The following CHUK variants were observed in gnomAD, a reference collection of about 807,000 sequenced individuals.
The protein encoded by CHUK is component of inhibitor of nuclear factor kappa B kinase complex, also known as inhibitor of nuclear factor kappa-B kinase subunit alpha.
In CHUK, 35 loss-of-function variants were observed where a neutral mutation model predicts 104.8. That is an observed-to-expected ratio of 0.33 (90% CI 0.26 to 0.44). The LOEUF (loss-of-function observed/expected upper bound fraction) is 0.44. Among genes scored for constraint, CHUK ranks in the 20% least tolerant of loss-of-function variants. The probability of loss-of-function intolerance (pLI) is 1.00; values close to 1 mark genes in which losing one functional copy is unlikely to be tolerated. For missense variants in CHUK, 663 were observed against 902.7 expected (o/e 0.73, Z 3.40); for synonymous variants, 276 against 291.9 (o/e 0.95, Z 0.56).
rs779646874 is a variant in CHUK, at chr10:100,193,379, G to T, written c.2027C>A (p.Thr676Asn). The change falls in exon 19 of 21, where the codon ACC becomes AAC. Residue 676 changes from threonine to asparagine, a missense_variant. Thr to Asn is a moderately conservative substitution (Grantham distance 65). Coordinates refer to ENST00000370397, the MANE Select transcript of CHUK (RefSeq NM_001278.5). Reference protein sequence around the residue: ...LVGSSLEGAVTPQTSAWLPPT... With the variant: ...LVGSSLEGAVNPQTSAWLPPT... ...GGGCAGCCATGCTGATGTCTGAGGG[G>T]TTACTGCACCTTCTAGACTGGATCC... 4.3e-6 allele frequency: 7 copies of T among 1,614,126 alleles called. No homozygotes were observed. The highest frequency in any genetic ancestry group is 5.9e-6 in the Non-Finnish European group (7 of 1,179,992).
At chr10:100,197,381 CCT>C (rs1456040155) in intron 16 of CHUK, among the ~76,000 whole-genome samples, 1 of 152,142 alleles carries the variant, frequency 6.6e-6, no homozygotes, top group Admixed American at 6.5e-5. Context: ...TACTCACCCA[CCT>C]CTCTTCTTTC....
intron 9 of CHUK, 114 bp from the exon 10 acceptor site, chr10:100,209,903 G>GA (rs1845684628): frequency 1.7e-6 from 1 of 598,682 alleles, no homozygotes; most frequent in East Asian, 2.8e-5. Context: ...CATTAAACAA[G>GA]GCTCACTCAT....
At chr10:100,194,716 T>C (rs1041394075) in intron 16 of CHUK, 195 bp from the exon 17 acceptor site, 1 of 446,962 alleles carries the variant, frequency 2.2e-6, no homozygotes, top group Admixed American at 3.5e-5. Flanking sequence ...ATATAAAAAA[T>C]AAAGTTTGCA....
chr10:100,199,100 T>A (rs951800093), intron 16 of CHUK, among the ~76,000 whole-genome samples: 6 of 152,160 alleles, frequency 3.9e-5, no homozygotes, highest in Non-Finnish European at 7.4e-5. Context: ...CAATCTAGAA[T>A]TCAAGCCTCT....
chr10:100,201,835 A>C (rs1192399008), intron 14 of CHUK, among the ~76,000 whole-genome samples: 1 of 152,226 alleles, frequency 6.6e-6, no homozygotes, highest in Non-Finnish European at 1.5e-5. Flanking sequence ...CCTGGGCAAC[A>C]GAGTGAGACC....
At chr10:100,195,525 G>C (rs887950044) in intron 16 of CHUK, 15 of 152,242 alleles carry the variant, frequency 9.9e-5, no homozygotes, top group Admixed American at 7.2e-4. Context: ...CTCCAAAAAG[G>C]TTCTTCTCCA....
At chr10:100,193,129 G>A in intron 19 of CHUK, 169 bp downstream of exon 19, 1 of 712,490 alleles carries the variant, frequency 1.4e-6, no homozygotes, top group Non-Finnish European at 2.4e-6. Flanking sequence ...TACAGGTGAG[G>A]AAATATGAAC....
chr10:100,228,989 GCGCGCACACACACA>G (rs1310610187), intron 1 of CHUK, among the ~76,000 whole-genome samples: 1 of 73,768 alleles, frequency 1.4e-5, no homozygotes, highest in African/African-American at 4.3e-5. Flanking sequence ...GCGCGCGCGC[GCGCGCACACACACA>G]CACACACACA....
chr10:100,207,297 A>C lies in CHUK; in HGVS notation c.1164T>G (p.Asp388Glu), dbSNP rs201199767. Residue 388 changes from aspartate (D) to glutamate (E), a missense_variant, in exon 11 of 21, where the codon GAT (aspartate) becomes GAG (glutamate). Around this residue, in one of 5 missense-constraint regions of CHUK, gnomAD observed 15 missense variants for 41.3 expected, o/e 0.36. Transcript: ENST00000370397. ...GCCCTTCATATACAGTTTTACTTTT[A>C]TCAAACAAATAAACCATATAGCTAT... is the stretch of plus-strand genomic sequence containing the variant. ...GCDSYMVYLF[D>E]KSKTVYEGPF... is the part of the protein sequence containing the mutation. The C allele has an allele frequency of 6.4e-7, 1 of 1,560,986 alleles. No individual in the cohort carries two copies. Among genetic ancestry groups the C allele is most frequent in the Non-Finnish European group, 8.8e-7 (1 of 1,132,750 alleles).
At chr10:100,191,935 A>G (rs1266525243) in intron 19 of CHUK, among the ~76,000 whole-genome samples, 2 of 152,216 alleles carry the variant, frequency 1.3e-5, no homozygotes, top group Non-Finnish European at 2.9e-5. Context: ...CCTGGCCAAC[A>G]TGGTGAAACT....
rs551182619 is a variant in CHUK at position 100,212,807 on chromosome 10, C to A, written c.934-3018G>T. On this transcript the variant is annotated intron_variant, in intron 9 of 20. Coordinates refer to ENST00000370397, the MANE Select transcript of CHUK (RefSeq NM_001278.5). ...ATCACTTAAGGTCAGGAGTTCAAGA[C>A]CAGCCTGGCCAACATGGTGAAACCT... Among the ~76,000 whole-genome samples the A allele has an allele frequency of 1.3e-4, 19 of 151,342 alleles. No individual in the cohort carries two copies. In the East Asian group the frequency reaches 3.8e-3, roughly 30 times the overall value.
At chr10:100,219,383 A>T in intron 5 of CHUK, 24 bp from the exon 6 acceptor site, 1 of 1,224,440 alleles carries the variant, frequency 8.2e-7, no homozygotes, top group Non-Finnish European at 1.2e-6. Flanking sequence ...AGACAGATTA[A>T]GTATTAAATG....
rs1197979810 is a variant in CHUK at position 100,191,017 on chromosome 10, T to A, written c.2109-49A>T. 2.7e-6 allele frequency: 3 copies of A among 1,104,742 alleles called. No individual in the cohort carries two copies. The Admixed American group carries it at 5.0e-5, about 19-fold the overall frequency. 68.4% of individuals were successfully genotyped at this position (1,104,742 alleles called of 1,614,324 possible). On this transcript the variant is annotated intron_variant, in intron 19 of 20. Transcript: ENST00000370397. Reference sequence around the variant, plus strand: ...TTTTCAAACTCAGGAAAAGGGCATATGAATTTCCTCTACTTTCTAGTCTTC... The same window carrying A: ...TTTTCAAACTCAGGAAAAGGGCATAAGAATTTCCTCTACTTTCTAGTCTTC...
At chr10:100,218,619 T>C (rs1235157604) in intron 8 of CHUK, 99 bp downstream of exon 8, 1 of 811,070 alleles carries the variant, frequency 1.2e-6, no homozygotes, top group Non-Finnish European at 2.2e-6. Context: ...TCACAGAAAG[T>C]TCTACTGGAT....
chr10:100,212,269 G>A (rs929490508), intron 9 of CHUK, among the ~76,000 whole-genome samples: 3 of 152,142 alleles, frequency 2.0e-5, no homozygotes, highest in African/African-American at 7.2e-5. Context: ...CAGTGTACAA[G>A]GGATTTCTTT....
At chr10:100,191,240 T>TTA (rs1845194698) in intron 19 of CHUK, among the ~76,000 whole-genome samples, 1 of 152,232 alleles carries the variant, frequency 6.6e-6, no homozygotes, top group South Asian at 2.1e-4. Flanking sequence ...TAAGATGCAC[T>TTA]TATGTACAAC....
At chr10:100,209,298 C>T (rs1748193936) in intron 10 of CHUK, among the ~76,000 whole-genome samples, 3 of 152,180 alleles carry the variant, frequency 2.0e-5, no homozygotes. Context: ...CCCATCTCTC[C>T]CAATTCATCT....
intron 16 of CHUK, chr10:100,194,752 T>A: frequency 2.9e-6 from 1 of 347,082 alleles, no homozygotes; most frequent in Non-Finnish European, 5.3e-6. Flanking sequence ...TATAAATTTA[T>A]CAGTAAGAGA....
chr10:100,225,491 A>G lies in CHUK; in HGVS notation c.200+432T>C, dbSNP rs1846083993. ...TGAATATACCACATTTTGTTTATAC[A>G]TGTCTCTGCTGGTAGATACTGGGTT... On this transcript the variant is annotated intron_variant, in intron 2 of 20. Coordinates refer to ENST00000370397, the MANE Select transcript of CHUK (RefSeq NM_001278.5). Among the ~76,000 whole-genome samples the G allele has an allele frequency of 2.0e-5, 3 of 152,200 alleles. No individual in the cohort carries two copies. The South Asian group carries it at 6.2e-4, about 31-fold the overall frequency.
Sources: allele counts gnomAD v4.1 joint callset (sites outside exome capture counted in the v4.1 genomes callset), GRCh38; gene constraint gnomAD v4.1.1; regional missense constraint gnomAD v4.1.1; transcripts MANE v1.5; gene names NCBI Gene and HGNC (gene_info 2026-07-23, HGNC 2026-07-21).